The following ASTN2 variants were observed in gnomAD, a reference collection of about 807,000 sequenced individuals.
ASTN2 encodes astrotactin 2.
ASTN2 carries 54 observed loss-of-function variants against 139.8 expected under a neutral mutation model. That is an observed-to-expected ratio of 0.39 (90% CI 0.31 to 0.48). The LOEUF (loss-of-function observed/expected upper bound fraction) is 0.48, where lower values mean the gene tolerates loss of function less well. Among genes scored for constraint, ASTN2 ranks in the 20% least tolerant of loss-of-function variants. The probability of loss-of-function intolerance (pLI) is 0.95; values close to 1 mark genes in which losing one functional copy is unlikely to be tolerated. For synonymous variants in ASTN2, 756 were observed against 719.5 expected, an observed-to-expected ratio of 1.05 and a Z score of -0.81; for missense variants, 1,565 against 1,725.1, an observed-to-expected ratio of 0.91 and a Z score of 1.64.
At chr9:117,306,622 T>A (rs1225248629) in intron 1 of ASTN2, among the ~76,000 whole-genome samples, 1 of 152,172 alleles carries the variant, frequency 6.6e-6, no homozygotes, top group Admixed American at 6.5e-5. Context: ...TCTCACACTG[T>A]CTTAATGGAA....
rs988640627 is a variant in ASTN2, at chr9:117,352,173, A to G, written c.443-60660T>C. ...GAGGAGAACACAGGTCAGACCCCAG[A>G]AAACAATTACTCTCTCATGAGAATT... On this transcript the variant is annotated intron_variant, in intron 1 of 22. Transcript: ENST00000313400. 2.0e-5 allele frequency among the ~76,000 whole-genome samples: 3 copies of G among 152,306 alleles called. No individual in the cohort carries two copies. The East Asian group carries it at 5.8e-4, about 29-fold the overall frequency.
intron 20 of ASTN2, among the ~76,000 whole-genome samples, chr9:116,463,909 T>G (rs538911496): frequency 4.0e-3 from 290 of 72,946 alleles, no homozygotes; most frequent in Middle Eastern, 8.6e-3. Context: ...GAGTTTTGTG[T>G]TTTTTTTTTT....
chr9:117,089,332 C>T (rs569185870), intron 5 of ASTN2, among the ~76,000 whole-genome samples: 25 of 152,218 alleles, frequency 1.6e-4, no homozygotes, highest in East Asian at 1.2e-3. Flanking sequence ...GTACTATCTC[C>T]GATGAATATA....
intron 20 of ASTN2, among the ~76,000 whole-genome samples, chr9:116,448,925 A>C (rs1020319865): frequency 1.3e-5 from 2 of 152,146 alleles, no homozygotes; most frequent in Non-Finnish European, 2.9e-5. Context: ...CTCATTCTGA[A>C]CCCAGCTCCA....
intron 2 of ASTN2, among the ~76,000 whole-genome samples, chr9:117,280,062 G>A (rs1047094155): frequency 6.6e-6 from 1 of 152,002 alleles, no homozygotes; most frequent in Non-Finnish European, 1.5e-5. Context: ...GACAATTACT[G>A]TTTTCCTTGT....
intron 19 of ASTN2, among the ~76,000 whole-genome samples, chr9:116,539,054 G>A (rs551791093): frequency 3.9e-5 from 6 of 152,228 alleles, no homozygotes; most frequent in South Asian, 4.1e-4. Context: ...CGACATGGAC[G>A]AACCTTGAGA....
At chr9:117,264,486 A>G (rs989985106) in intron 2 of ASTN2, among the ~76,000 whole-genome samples, 81 of 152,338 alleles carry the variant, frequency 5.3e-4, no homozygotes, top group African/African-American at 1.9e-3. Context: ...TAATGCATGG[A>G]AAATGCTTGG....
At chr9:117,084,940 G>T (rs1460558197) in intron 5 of ASTN2, among the ~76,000 whole-genome samples, 3 of 152,190 alleles carry the variant, frequency 2.0e-5, no homozygotes, top group Non-Finnish European at 2.9e-5. Flanking sequence ...TTAGGCTAAA[G>T]AACTACCCAG....
intron 5 of ASTN2, among the ~76,000 whole-genome samples, chr9:117,062,127 C>G (rs1328556962): frequency 6.6e-6 from 1 of 152,146 alleles, no homozygotes; most frequent in Non-Finnish European, 1.5e-5. Flanking sequence ...AGGGGCATGA[C>G]TTTATTTGAG....
chr9:117,360,268 T>C (rs1328324481), intron 1 of ASTN2, among the ~76,000 whole-genome samples: 1 of 152,162 alleles, frequency 6.6e-6, no homozygotes, highest in Non-Finnish European at 1.5e-5. Context: ...AAAGAGCTTA[T>C]GGTTTAGTGG....
chr9:117,263,850 C>T (rs893884415), intron 2 of ASTN2, among the ~76,000 whole-genome samples: 9 of 152,076 alleles, frequency 5.9e-5, no homozygotes, highest in Non-Finnish European at 1.3e-4. Flanking sequence ...ATCCTGTCCT[C>T]GGTGGGACAC....
intron 1 of ASTN2, among the ~76,000 whole-genome samples, chr9:117,349,917 A>T (rs546678680): frequency 6.6e-6 from 1 of 152,344 alleles, no homozygotes; most frequent in East Asian, 1.9e-4. Context: ...GAGGAAAGCA[A>T]GTAGACATAA....
At chr9:116,433,820 A>T (rs534320169) in intron 22 of ASTN2, among the ~76,000 whole-genome samples, 1 of 152,318 alleles carries the variant, frequency 6.6e-6, no homozygotes, top group African/African-American at 2.4e-5. Flanking sequence ...ACCAGGTTTG[A>T]AATGTGATTT....
chr9:116,556,869 CATTAT>C (rs1251702805), intron 19 of ASTN2, among the ~76,000 whole-genome samples: 1 of 151,964 alleles, frequency 6.6e-6, no homozygotes, highest in African/African-American at 2.4e-5. Context: ...TATATGTGTA[CATTAT>C]ATTATTTATG....
At chr9:116,625,486 C>T (rs1470873471) in intron 17 of ASTN2, among the ~76,000 whole-genome samples, 1 of 152,160 alleles carries the variant, frequency 6.6e-6, no homozygotes, top group Non-Finnish European at 1.5e-5. Flanking sequence ...TCCCTGGTGC[C>T]GCCCATTCTA....
At chr9:117,168,159 G>A (rs1461019587) in intron 3 of ASTN2, among the ~76,000 whole-genome samples, 1 of 152,090 alleles carries the variant, frequency 6.6e-6, no homozygotes, top group Non-Finnish European at 1.5e-5. Flanking sequence ...TAAGAAGCTG[G>A]TGGGAGGAGC....
intron 19 of ASTN2, among the ~76,000 whole-genome samples, 180 bp from the exon 20 acceptor site, chr9:116,487,680 T>C (rs1366217389): frequency 1.3e-5 from 2 of 152,216 alleles, no homozygotes; most frequent in Non-Finnish European, 2.9e-5. Flanking sequence ...TCTTTGTTCA[T>C]ATTTATGCGC....
chr9:116,525,534 T>C (rs1304912476), intron 19 of ASTN2, among the ~76,000 whole-genome samples: 1 of 152,182 alleles, frequency 6.6e-6, no homozygotes, highest in African/African-American at 2.4e-5. Flanking sequence ...CTGTCATATA[T>C]ATAATCAAGC....
At chr9:117,400,810 C>T (rs894697851) in intron 1 of ASTN2, among the ~76,000 whole-genome samples, 7 of 152,066 alleles carry the variant, frequency 4.6e-5, no homozygotes, top group Admixed American at 6.6e-5. Flanking sequence ...TGAGGGAAAG[C>T]CTGAAAAGAG....
Sources: gnomAD v4.1 joint callset for allele counts (sites outside exome capture counted in the v4.1 genomes callset) on GRCh38, gnomAD v4.1.1 for gene constraint, MANE v1.5 for transcripts, NCBI Gene and HGNC (gene_info 2026-07-23, HGNC 2026-07-21) for gene names.